NFIX: variants seen among roughly 807,000 people sequenced by gnomAD.
NFIX encodes nuclear factor I X, also known as nuclear factor 1 X-type.
In NFIX, 2 loss-of-function variants were observed where a neutral mutation model predicts 53.3. The ratio of observed to expected loss-of-function variants is 0.04; its 90% confidence interval spans 0.02 to 0.12. The LOEUF (loss-of-function observed/expected upper bound fraction) is 0.12. NFIX is among the 10% of genes least tolerant of loss of function. NFIX has a pLI of 1.00. For synonymous variants in NFIX, 244 were observed against 289.0 expected (o/e 0.84, Z 1.58); for missense variants, 310 against 674.5 (o/e 0.46, Z 5.99).
In NFIX at chr19:13,025,281, G is replaced by A. The variant is rs765042055; in HGVS notation, c.288G>A (p.Thr96=). 1.4e-5 allele frequency: 23 copies of A among 1,614,084 alleles called. No individual in the cohort carries two copies. Among genetic ancestry groups the A allele is most frequent in the Non-Finnish European group, 1.6e-5 (19 of 1,179,942 alleles). ...EFREDFVLTI[T]GKKPPCCVLS... is the part of the protein sequence containing the mutation. ...GCGAGGACTTCGTGCTGACCATCAC[G>A]GGCAAGAAGCCCCCCTGCTGCGTGC... The change falls in exon 2 of 11, where the codon ACG becomes ACA. Residue 96 remains threonine, a synonymous_variant. Coordinates refer to ENST00000592199, the MANE Select transcript of NFIX (RefSeq NM_001365902.3). This position sits in a 1 kb window ranked among gnomAD's most constrained non-coding sequence, Gnocchi z 7.5.
At position 13,078,888 on chromosome 19, in the gene NFIX, C is replaced by T. The variant is rs919592465; in HGVS notation, c.1078+153C>T. Among the ~76,000 whole-genome samples the T allele has an allele frequency of 7.2e-5, 11 of 152,220 alleles. No individual in the cohort carries two copies. The highest frequency in any genetic ancestry group is 1.3e-4 in the Admixed American group (2 of 15,292). Reference sequence around the variant, plus strand: ...TGCAGCAGCGGGTGGGCATGGGAGCCGGCCCCTGCTTCACGTAGCACCTCA... The same window carrying T: ...TGCAGCAGCGGGTGGGCATGGGAGCTGGCCCCTGCTTCACGTAGCACCTCA... On this transcript the variant is annotated intron_variant, in intron 7 of 10. Coordinates refer to ENST00000592199, the MANE Select transcript of NFIX (RefSeq NM_001365902.3). The surrounding 1 kb of genome is among the most constrained non-coding windows in gnomAD (Gnocchi z 4.7).
intron 1 of NFIX, among the ~76,000 whole-genome samples, chr19:13,015,509 G>A (rs914539400): frequency 6.6e-6 from 1 of 152,146 alleles, no homozygotes; most frequent in Non-Finnish European, 1.5e-5. Context: ...GGACAGGGAT[G>A]GGGACAGTGT....
Position 13,024,929 on chromosome 19 carries a change from G to A in NFIX, c.28-92G>A, listed in dbSNP as rs1461521039. On this transcript the variant is annotated intron_variant, in intron 1 of 10. Coordinates refer to ENST00000592199, the MANE Select transcript of NFIX (RefSeq NM_001365902.3). ...TTTTCCTTGTGCCCCCCCTTCTAAC[G>A]CTGCTTTTCTCCTTCTCTCTTTCCC... 3.3e-6 allele frequency: 5 copies of A among 1,507,754 alleles called. No homozygotes were observed. In the Admixed American group the frequency reaches 5.9e-5, roughly 18 times the overall value. 93.4% of individuals were successfully genotyped at this position (1,507,754 alleles called of 1,614,324 possible).
At chr19:13,023,637 T>C (rs1466517655) in intron 1 of NFIX, among the ~76,000 whole-genome samples, 1 of 126,618 alleles carries the variant, frequency 7.9e-6, no homozygotes, top group Non-Finnish European at 2.0e-5. Flanking sequence ...TTTCTTTTTT[T>C]TTTTTTTTAA....
At chr19:13,026,017 G>A (rs73006828) in intron 2 of NFIX, among the ~76,000 whole-genome samples, 3,387 of 152,242 alleles carry the variant, frequency 0.022, 51 homozygotes, top group Non-Finnish European at 0.034. Context: ...TGGTACAAGC[G>A]GGATGGGCAG....
Position 13,025,601 on chromosome 19 carries a change from G to T in NFIX, c.559+49G>T, listed in dbSNP as rs780464338. On this transcript the variant is annotated intron_variant, in intron 2 of 10. Coordinates refer to ENST00000592199, the MANE Select transcript of NFIX (RefSeq NM_001365902.3). The surrounding 1 kb of genome is among the most constrained non-coding windows in gnomAD (Gnocchi z 7.5). ...CCCTCTCATTTTATTTTCCTTGCTG[G>T]CATTTGTTCTGTTTATTGTTCCTCT... 1.3e-6 allele frequency: 2 copies of T among 1,576,100 alleles called. No individual in the cohort carries two copies. The highest frequency in any genetic ancestry group is 2.2e-5 in the East Asian group (1 of 44,554).
Position 13,009,451 on chromosome 19 carries a change from G to A in NFIX, c.27+13587G>A, listed in dbSNP as rs894924017. On this transcript the variant is annotated intron_variant, in intron 1 of 10. Coordinates refer to ENST00000592199, the MANE Select transcript of NFIX (RefSeq NM_001365902.3). The surrounding 1 kb of genome is among the most constrained non-coding windows in gnomAD (Gnocchi z 4.7). ...GTCATGGGGCTAGAAGCAGGGTGGT[G>A]GGGATTACCCAGCCAGATTCCCAGG... 1.3e-5 allele frequency among the ~76,000 whole-genome samples: 2 copies of A among 152,168 alleles called. No individual in the cohort carries two copies. The highest frequency in any genetic ancestry group is 2.9e-5 in the Non-Finnish European group (2 of 68,028).
rs974571063 is a variant in NFIX, at chr19:13,012,123, T to C, written c.28-12898T>C. The C allele has an allele frequency of 5.3e-5, 8 of 151,880 alleles. No individual in the cohort carries two copies. The highest frequency in any genetic ancestry group is 1.9e-4 in the African/African-American group (8 of 41,232). 9.4% of individuals were successfully genotyped at this position (151,880 alleles called of 1,614,324 possible). ...CCGTGCGCAAAGCCTGGCGCGCGCG[T>C]GCGCAGCGACGAAAAGGCGGGAAGC... is the stretch of plus-strand genomic sequence containing the variant. On this transcript the variant is annotated intron_variant, in intron 1 of 10. Transcript: ENST00000592199. This position sits in a 1 kb window ranked among gnomAD's most constrained non-coding sequence, Gnocchi z 5.0.
rs530728089 is a variant in NFIX at position 13,022,971 on chromosome 19, C to T, written c.28-2050C>T. Among the ~76,000 whole-genome samples the T allele has an allele frequency of 2.0e-5, 3 of 152,200 alleles. 1 individual carries two copies. In the South Asian group the frequency reaches 6.2e-4, roughly 32 times the overall value. On this transcript the variant is annotated intron_variant, in intron 1 of 10. Transcript: ENST00000592199. This position sits in a 1 kb window ranked among gnomAD's most constrained non-coding sequence, Gnocchi z 4.5. ...TGGTCTCCAACTGCCGGGGGCTCTC[C>T]CCACCCTCCCTGCTCGCCCGGTTCC...
Position 13,074,704 on chromosome 19 carries a change from CT to C in NFIX, c.818+693del, listed in dbSNP as rs1262168364. 5.7e-3 allele frequency among the ~76,000 whole-genome samples: 776 copies of C among 135,998 alleles called. 7 individuals carry two copies. The highest frequency in any genetic ancestry group is 0.019 in the Middle Eastern group (5 of 264). 89.2% of individuals were successfully genotyped at this position (135,998 alleles called of 152,430 possible). ...GTTGTGCTGGGCAGGGTCCACTCCA[CT>C]TTTTTTTTTTTTTTAAAACGGGTGT... On this transcript the variant is annotated intron_variant, in intron 5 of 10. Transcript: ENST00000592199.
At chr19:13,056,049 G>A (rs2145343197) in intron 2 of NFIX, among the ~76,000 whole-genome samples, 1 of 152,304 alleles carries the variant, frequency 6.6e-6, no homozygotes. Flanking sequence ...GAAAAGCAAC[G>A]AGCTAGCAGG....
In NFIX at chr19:13,096,951, A is replaced by G. The variant is rs1370555266; in HGVS notation, c.*2302A>G. On this transcript the variant is annotated 3_prime_UTR_variant, in exon 11 of 11. Coordinates refer to ENST00000592199, the MANE Select transcript of NFIX (RefSeq NM_001365902.3). ...GAGATGTGGGGACGTGTTAGGAGAG[A>G]AAAAAAAAAAAACAAAAATATATAT... 1 of 117,396 alleles carries G rather than the reference A, an allele frequency of 8.5e-6. No homozygotes were observed. Among genetic ancestry groups the G allele is most frequent in the Non-Finnish European group, 1.7e-5 (1 of 58,492 alleles). The allele number at this position is 117,396 out of a possible 1,614,324, so 7.3% of individuals were successfully genotyped here. A position where few individuals can be genotyped will look rare whatever the true frequency, so the allele number is the denominator to read the frequency against.
intron 1 of NFIX, among the ~76,000 whole-genome samples, chr19:13,023,072 C>CTCTA (rs1413616847): frequency 6.8e-6 from 1 of 146,412 alleles, no homozygotes; most frequent in Non-Finnish European, 1.5e-5. Flanking sequence ...CTCTCTCTTT[C>CTCTA]TCTCTCTCTC....
At chr19:13,092,175 A>G (rs2018185414) in intron 10 of NFIX, among the ~76,000 whole-genome samples, 1 of 152,226 alleles carries the variant, frequency 6.6e-6, no homozygotes, top group African/African-American at 2.4e-5. Flanking sequence ...ACTTTAGCTG[A>G]TCTCTGGAGC....
intron 2 of NFIX, among the ~76,000 whole-genome samples, chr19:13,050,552 T>C (rs1052139802): frequency 6.6e-6 from 1 of 152,134 alleles, no homozygotes; most frequent in Non-Finnish European, 1.5e-5. Flanking sequence ...AACAAACACA[T>C]GTGGAATTAA....
In NFIX at chr19:13,052,337, G is replaced by C. The variant is rs1466929814; in HGVS notation, c.560-20710G>C. On this transcript the variant is annotated intron_variant, in intron 2 of 10. Coordinates refer to ENST00000592199, the MANE Select transcript of NFIX (RefSeq NM_001365902.3). The surrounding 1 kb of genome is among the most constrained non-coding windows in gnomAD (Gnocchi z 5.2). The stretch of plus-strand genomic sequence containing the variant: ...CATCCTTAGGAGACAGAGGCACACT[G>C]CTGGCCATCTAGGCTGGGGGTAGAG... Among the ~76,000 whole-genome samples, 1 of 152,198 alleles carries C rather than the reference G, an allele frequency of 6.6e-6. No homozygotes were observed. Among genetic ancestry groups the C allele is most frequent in the Non-Finnish European group, 1.5e-5 (1 of 68,042 alleles).
chr19:13,063,943 G>A (rs2145385392), intron 2 of NFIX, among the ~76,000 whole-genome samples: 1 of 152,300 alleles, frequency 6.6e-6, no homozygotes, highest in South Asian at 2.1e-4. Flanking sequence ...AGAGCAGCTG[G>A]GGGTGAGGGT....
At position 13,068,770 on chromosome 19, in the gene NFIX, A is replaced by G. The variant is rs1320293282; in HGVS notation, c.560-4277A>G. ...CCTTCCAGAAGCCTGCAAAGTGGCC[A>G]GAACCATGGGCAGGGGAGGCCTCTG... On this transcript the variant is annotated intron_variant, in intron 2 of 10. Transcript: ENST00000592199. This position sits in a 1 kb window ranked among gnomAD's most constrained non-coding sequence, Gnocchi z 4.2. 6.6e-6 allele frequency among the ~76,000 whole-genome samples: 1 copy of G among 152,244 alleles called. No individual in the cohort carries two copies. Among genetic ancestry groups the G allele is most frequent in the African/African-American group, 2.4e-5 (1 of 41,468 alleles).
Position 13,090,643 on chromosome 19 carries a change from G to A in NFIX, c.1494+253G>A, listed in dbSNP as rs1415997927. Among the ~76,000 whole-genome samples, 1 of 152,226 alleles carries A rather than the reference G, an allele frequency of 6.6e-6. No homozygotes were observed. Among genetic ancestry groups the A allele is most frequent in the Admixed American group, 6.5e-5 (1 of 15,290 alleles). On this transcript the variant is annotated intron_variant, in intron 10 of 10. Transcript: ENST00000592199. The surrounding 1 kb of genome is among the most constrained non-coding windows in gnomAD (Gnocchi z 6.6). The stretch of plus-strand genomic sequence containing the variant: ...CCCTGGCCCTGGGGAAGGCGGCCAA[G>A]GACCCAAGTCTAGAGGCCCTCTGGG...
Sources: gnomAD v4.1 joint callset for allele counts (sites outside exome capture counted in the v4.1 genomes callset) on GRCh38, gnomAD v4.1.1 for gene constraint, Gnocchi (gnomAD v3.1) non-coding constraint, MANE v1.5 for transcripts, NCBI Gene and HGNC (gene_info 2026-07-23, HGNC 2026-07-21) for gene names.